TFAP2A: variants seen among roughly 807,000 people sequenced by gnomAD.
The protein encoded by TFAP2A is transcription factor AP-2 alpha.
Under a neutral mutation model 41.5 loss-of-function variants are expected in TFAP2A, and 7 were observed. That is an observed-to-expected ratio of 0.17 (90% CI 0.10 to 0.32). The LOEUF (loss-of-function observed/expected upper bound fraction) is 0.32, where lower values mean the gene tolerates loss of function less well. Among genes scored for constraint, TFAP2A ranks in the 10% least tolerant of loss-of-function variants. The pLI is 1.00. For missense variants in TFAP2A, 416 were observed against 563.3 expected, an observed-to-expected ratio of 0.74 and a Z score of 2.65; for synonymous variants, 247 against 242.8, an observed-to-expected ratio of 1.02 and a Z score of -0.16.
chr6:10,412,378 GAGAA>G (rs989135401), intron 1 of TFAP2A: 18 of 806,420 alleles, frequency 2.2e-5, no homozygotes, highest in African/African-American at 2.1e-4. Flanking sequence ...GTGCGTGTGT[GAGAA>G]AGAAAGTGTG....
rs1313831421 is a variant in TFAP2A, at chr6:10,398,275, G to A, written c.*142C>T. On this transcript the variant is annotated 3_prime_UTR_variant, in exon 7 of 7. Coordinates refer to ENST00000379613, the MANE Select transcript of TFAP2A (RefSeq NM_001372066.1). This position sits in a 1 kb window ranked among gnomAD's most constrained non-coding sequence, Gnocchi z 5.3. ...TCCCGGAGACTCGGGGGGACCCAAGGGCAGCGGCGGCGGCGGCGGCGGCAG... is the reference window on the plus strand; with the variant it reads ...TCCCGGAGACTCGGGGGGACCCAAGAGCAGCGGCGGCGGCGGCGGCGGCAG... The A allele has an allele frequency of 1.3e-6, 2 of 1,568,128 alleles. No homozygotes were observed. Among genetic ancestry groups the A allele is most frequent in the Non-Finnish European group, 1.7e-6 (2 of 1,162,082 alleles).
intron 1 of TFAP2A, chr6:10,414,448 G>A: frequency 3.7e-6 from 1 of 269,844 alleles, no homozygotes; most frequent in East Asian, 9.9e-5. Context: ...TTTAGAAGTG[G>A]GGGTGGGGGG....
chr6:10,404,882 G>A (rs1243874120), intron 3 of TFAP2A, 143 bp from the exon 4 acceptor site: 12 of 745,960 alleles, frequency 1.6e-5, no homozygotes, highest in Non-Finnish European at 2.6e-5. Flanking sequence ...CTGAAATTCT[G>A]TGGCTCTGCT....
At chr6:10,412,657 C>T (rs1207137205) in intron 1 of TFAP2A, 1 of 326,572 alleles carries the variant, frequency 3.1e-6, no homozygotes, top group Admixed American at 3.7e-5. Context: ...GGACCGCGTC[C>T]GGGCGCTCGT....
chr6:10,410,442 C>G, intron 1 of TFAP2A, 107 bp from the exon 2 acceptor site: 2 of 1,151,878 alleles, frequency 1.7e-6, no homozygotes, highest in Non-Finnish European at 1.3e-6. Flanking sequence ...CGCCCGTTCC[C>G]GTTGGCTGGC....
intron 1 of TFAP2A, chr6:10,414,687 C>T (rs1215231361): frequency 3.2e-6 from 2 of 616,938 alleles, no homozygotes; most frequent in Non-Finnish European, 2.9e-6. Context: ...TTAGGCACAG[C>T]CAAAATTGGT....
At chr6:10,412,299 A>T (rs769611036) in intron 1 of TFAP2A, 13 of 985,942 alleles carry the variant, frequency 1.3e-5, no homozygotes, top group Non-Finnish European at 1.6e-5. Flanking sequence ...CAGGGCATGC[A>T]AAAGTGAAAG....
intron 4 of TFAP2A, among the ~76,000 whole-genome samples, chr6:10,403,364 G>A (rs1757508101): frequency 6.6e-6 from 1 of 152,220 alleles, no homozygotes; most frequent in South Asian, 2.1e-4. Context: ...TTGGGGATGG[G>A]GGAAGGGAAG....
chr6:10,398,782 C>T lies in TFAP2A; in HGVS notation c.1032-77G>A. On this transcript the variant is annotated intron_variant, in intron 6 of 6. Transcript: ENST00000379613. This position sits in a 1 kb window ranked among gnomAD's most constrained non-coding sequence, Gnocchi z 5.3. ...CACTAGCAGCAAAGAGAAAACCTCC[C>T]TCCCTGCAGCTACCTCTGCCGGGAT... 1 of 1,533,502 alleles carries T rather than the reference C, an allele frequency of 6.5e-7. No individual in the cohort carries two copies. The highest frequency in any genetic ancestry group is 8.9e-7 in the Non-Finnish European group (1 of 1,128,078). 95.0% of individuals were successfully genotyped at this position (1,533,502 alleles called of 1,614,324 possible). A position where few individuals can be genotyped will look rare whatever the true frequency, so the allele number is the denominator to read the frequency against.
At position 10,404,666 on chromosome 6, in the gene TFAP2A, G is replaced by A. The variant is rs745892262; in HGVS notation, c.612C>T (p.Gly204=). ...AGACTTCGTTGGGGTTCACCACGCC[G>A]CCGAAGAGGTTGTCCTTGTTAATAG... ...AIPINKDNLF[G]GVVNPNEVFC... is the part of the protein sequence containing the mutation. Residue 204 remains glycine, a synonymous_variant, in exon 4 of 7, where the codon GGC becomes GGT. Coordinates refer to ENST00000379613, the MANE Select transcript of TFAP2A (RefSeq NM_001372066.1). 6.2e-7 allele frequency: 1 copy of A among 1,614,210 alleles called. No individual in the cohort carries two copies. The highest frequency in any genetic ancestry group is 8.5e-7 in the Non-Finnish European group (1 of 1,180,022).
Position 10,397,959 on chromosome 6 carries a change from G to GT in TFAP2A, c.*457dup. 6.9e-6 allele frequency: 7 copies of GT among 1,008,824 alleles called. No individual in the cohort carries two copies. Among genetic ancestry groups the GT allele is most frequent in the Non-Finnish European group, 8.3e-6 (7 of 844,650 alleles). The allele number at this position is 1,008,824 out of a possible 1,614,324, so 62.5% of individuals were successfully genotyped here. A position where few individuals can be genotyped will look rare whatever the true frequency, so the allele number is the denominator to read the frequency against. On this transcript the variant is annotated 3_prime_UTR_variant, in exon 7 of 7. Transcript: ENST00000379613. ...ATGGCTACAATCTGAACTGAAGTAT[G>GT]TAAGGGAAGGTGGTGACTCAGTCCC...
intron 1 of TFAP2A, chr6:10,411,427 AG>A: frequency 7.4e-7 from 1 of 1,356,872 alleles, no homozygotes; most frequent in South Asian, 1.2e-5. Flanking sequence ...GAAAGGCGGA[AG>A]GTGGGGTGGG....
In TFAP2A at chr6:10,396,927, G is replaced by C. The variant is rs1354584022; in HGVS notation, c.*1490C>G. On this transcript the variant is annotated 3_prime_UTR_variant, in exon 7 of 7. Coordinates refer to ENST00000379613, the MANE Select transcript of TFAP2A (RefSeq NM_001372066.1). ...CAATGGGTTCAGCTGCTTATTGCAAGGAGCAATTGCCAAGGGAGAGTTAAA... is the reference window on the plus strand; with the variant it reads ...CAATGGGTTCAGCTGCTTATTGCAACGAGCAATTGCCAAGGGAGAGTTAAA... The C allele has an allele frequency of 6.6e-6, 1 of 152,560 alleles. No homozygotes were observed. Among genetic ancestry groups the C allele is most frequent in the Non-Finnish European group, 1.5e-5 (1 of 68,030 alleles). The allele number at this position is 152,560 out of a possible 1,614,324, so 9.5% of individuals were successfully genotyped here.
intron 1 of TFAP2A, chr6:10,412,828 C>T (rs1758053909): frequency 5.9e-6 from 1 of 169,650 alleles, no homozygotes. Context: ...CACTGGTCCT[C>T]TCCTCGGCCT....
At chr6:10,415,928 G>A (rs1432624137), upstream of TFAP2A, 8 of 152,298 alleles carry the variant, frequency 5.3e-5, no homozygotes, top group Middle Eastern at 0.017. Context: ...GTACCCTGAA[G>A]AGGTTACTTG....
rs980233072 is a variant in TFAP2A, at chr6:10,398,108, G to A, written c.*309C>T. On this transcript the variant is annotated 3_prime_UTR_variant, in exon 7 of 7. Coordinates refer to ENST00000379613, the MANE Select transcript of TFAP2A (RefSeq NM_001372066.1). The surrounding 1 kb of genome is among the most constrained non-coding windows in gnomAD (Gnocchi z 5.3). ...TAAAAAAAAAAGGGTTCACAAACTT[G>A]GCAGAACTTTTCTCTGCTGGCTTCA... 1 of 1,259,686 alleles carries A rather than the reference G, an allele frequency of 7.9e-7. No homozygotes were observed. Among genetic ancestry groups the A allele is most frequent in the Non-Finnish European group, 1.0e-6 (1 of 1,001,756 alleles). The allele number at this position is 1,259,686 out of a possible 1,614,324, so 78.0% of individuals were successfully genotyped here.
chr6:10,413,550 C>T (rs1758094548), intron 1 of TFAP2A, among the ~76,000 whole-genome samples: 1 of 152,186 alleles, frequency 6.6e-6, no homozygotes, highest in South Asian at 2.1e-4. Flanking sequence ...CCTACCTGCC[C>T]GCAAAGCTCG....
intron 5 of TFAP2A, among the ~76,000 whole-genome samples, chr6:10,401,796 G>A (rs1199965960): frequency 6.6e-6 from 1 of 152,166 alleles, no homozygotes; most frequent in East Asian, 1.9e-4. Context: ...TAATCTAGAG[G>A]CAGCAGGAAT....
intron 3 of TFAP2A, chr6:10,405,139 A>C (rs1193664561): frequency 1.6e-5 from 3 of 186,346 alleles, no homozygotes; most frequent in Non-Finnish European, 3.3e-5. Flanking sequence ...TACATTTGCA[A>C]ACCGAGAGCA....
Sources: allele counts gnomAD v4.1 joint callset (sites outside exome capture counted in the v4.1 genomes callset), GRCh38; gene constraint gnomAD v4.1.1; non-coding constraint Gnocchi (gnomAD v3.1); transcripts MANE v1.5; gene names NCBI Gene and HGNC (gene_info 2026-07-23, HGNC 2026-07-21).